Variants in SLC25A21 observed in about 807,000 individuals in gnomAD.
The protein encoded by SLC25A21 is solute carrier family 25 member 21, also known as mitochondrial 2-oxodicarboxylate carrier.
SLC25A21 carries 47 observed loss-of-function variants against 43.8 expected under a neutral mutation model. That is an observed-to-expected ratio of 1.07 (90% CI 0.85 to 1.37). The LOEUF (loss-of-function observed/expected upper bound fraction) is 1.37, where lower values mean the gene tolerates loss of function less well. SLC25A21 is among the 40% of genes most tolerant of loss of function. The pLI is 0.00. For missense variants in SLC25A21, 352 were observed against 350.2 expected, an observed-to-expected ratio of 1.00 and a Z score of -0.04; for synonymous variants, 131 against 121.3, an observed-to-expected ratio of 1.08 and a Z score of -0.52.
chr14:37,077,925 T>A (rs1962312272), intron 1 of SLC25A21, among the ~76,000 whole-genome samples: 1 of 152,114 alleles, frequency 6.6e-6, no homozygotes, highest in Non-Finnish European at 1.5e-5. Context: ...AGGACTTAAA[T>A]CTATAGACAT....
intron 1 of SLC25A21, among the ~76,000 whole-genome samples, chr14:37,078,509 T>C (rs977047686): frequency 6.6e-6 from 1 of 152,050 alleles, no homozygotes; most frequent in Non-Finnish European, 1.5e-5. Context: ...TGGACATGGA[T>C]TTGTCCACAT....
intron 3 of SLC25A21, among the ~76,000 whole-genome samples, chr14:36,738,357 C>T (rs1885126043): frequency 1.3e-5 from 2 of 152,120 alleles, no homozygotes; most frequent in African/African-American, 2.4e-5. Flanking sequence ...TATTCACATG[C>T]ACTGTCCATT....
chr14:37,038,318 T>A (rs1472269625), intron 1 of SLC25A21, among the ~76,000 whole-genome samples: 3 of 152,146 alleles, frequency 2.0e-5, no homozygotes, highest in Non-Finnish European at 4.4e-5. Context: ...TGAAGAATAA[T>A]AGGGTTGGCA....
At position 36,829,444 on chromosome 14, in the gene SLC25A21, A is replaced by C. The variant is rs141012294; in HGVS notation, c.120-15443T>G. Among the ~76,000 whole-genome samples the C allele has an allele frequency of 4.2e-3, 634 of 152,228 alleles. 7 individuals are homozygous for C. Among genetic ancestry groups the C allele is most frequent in the African/African-American group, 0.015 (611 of 41,544 alleles). On this transcript the variant is annotated intron_variant, in intron 2 of 9. Transcript: ENST00000331299. ...CCCATCAAGGAGACTTCTCAAAGAT[A>C]AAGAGTTTTCATCTTTGAAGTTTTG...
chr14:36,904,852 G>A (rs111765356), intron 1 of SLC25A21, among the ~76,000 whole-genome samples: 2,554 of 152,116 alleles, frequency 0.017, 78 homozygotes, highest in African/African-American at 0.057. Flanking sequence ...AAGATTATGG[G>A]GATTACAGTT....
At chr14:37,078,021 G>A (rs2415383) in intron 1 of SLC25A21, among the ~76,000 whole-genome samples, 12,599 of 151,984 alleles carry the variant, frequency 0.083, 786 homozygotes, top group South Asian at 0.25. Context: ...TAAAATTTGA[G>A]ATTTAAGTTA....
chr14:37,048,015 G>A (rs1961624798), intron 1 of SLC25A21, among the ~76,000 whole-genome samples: 1 of 152,200 alleles, frequency 6.6e-6, no homozygotes, highest in African/African-American at 2.4e-5. Flanking sequence ...ACCCATCACA[G>A]CTATCCAAAG....
At chr14:37,156,076 T>C (rs1963843386) in intron 1 of SLC25A21, among the ~76,000 whole-genome samples, 1 of 151,498 alleles carries the variant, frequency 6.6e-6, no homozygotes, top group Non-Finnish European at 1.5e-5. Context: ...GGAGAATCAC[T>C]TGAACCCAGG....
At chr14:37,017,960 C>T (rs1381795671) in intron 1 of SLC25A21, among the ~76,000 whole-genome samples, 1 of 151,796 alleles carries the variant, frequency 6.6e-6, no homozygotes, top group African/African-American at 2.4e-5. Context: ...TTTCATCCAG[C>T]AATTCTACTT....
In SLC25A21 at chr14:36,837,250, G is replaced by A. The variant is rs558397315; in HGVS notation, c.120-23249C>T. 2.6e-5 allele frequency among the ~76,000 whole-genome samples: 4 copies of A among 152,160 alleles called. 1 individual carries two copies. The South Asian group carries it at 6.2e-4, about 24-fold the overall frequency. On this transcript the variant is annotated intron_variant, in intron 2 of 9. Coordinates refer to ENST00000331299, the MANE Select transcript of SLC25A21 (RefSeq NM_030631.4). ...GGAGACTGGAGAACACTGAGCTGGGGCTAAATGTTACTGAAAGGGCCAAGG... is the reference window on the plus strand; with the variant it reads ...GGAGACTGGAGAACACTGAGCTGGGACTAAATGTTACTGAAAGGGCCAAGG...
In SLC25A21 at chr14:37,106,172, A is replaced by G. The variant is rs12879788; in HGVS notation, c.70+66109T>C. ...TATGAAATCAGTGCACCTTGAAAAA[A>G]AACAGAATAACAGCAATTTTTAGGG... On this transcript the variant is annotated intron_variant, in intron 1 of 9. Transcript: ENST00000331299. Among the ~76,000 whole-genome samples the G allele has an allele frequency of 3.1e-3, 477 of 152,232 alleles. 2 individuals are homozygous for G. Among genetic ancestry groups the G allele is most frequent in the South Asian group, 7.3e-3 (35 of 4,822 alleles).
At chr14:37,096,730 C>G (rs1962701405) in intron 1 of SLC25A21, among the ~76,000 whole-genome samples, 1 of 151,908 alleles carries the variant, frequency 6.6e-6, no homozygotes, top group Admixed American at 6.6e-5. Context: ...TTATATCAAT[C>G]TCTGTTAAAT....
intron 2 of SLC25A21, among the ~76,000 whole-genome samples, chr14:36,850,415 T>C (rs1303269302): frequency 6.6e-6 from 1 of 152,148 alleles, no homozygotes; most frequent in African/African-American, 2.4e-5. Flanking sequence ...CAGGCTCGTT[T>C]TGCTCCAAAG....
chr14:36,734,433 G>T, intron 4 of SLC25A21, 74 bp downstream of exon 4: 1 of 1,023,164 alleles, frequency 9.8e-7, no homozygotes, highest in Non-Finnish European at 1.4e-6. Context: ...TCATTTTAAT[G>T]TCTTAAGAGT....
chr14:37,005,445 T>A (rs17105919), intron 1 of SLC25A21, among the ~76,000 whole-genome samples: 6 of 152,138 alleles, frequency 3.9e-5, no homozygotes, highest in Admixed American at 3.3e-4. Flanking sequence ...TTACACTTTA[T>A]TAAATTGCTA....
chr14:37,114,477 A>G (rs1963071900), intron 1 of SLC25A21, among the ~76,000 whole-genome samples: 1 of 152,222 alleles, frequency 6.6e-6, no homozygotes, highest in African/African-American at 2.4e-5. Flanking sequence ...CCACTTTACT[A>G]GACTCAATCA....
At chr14:36,967,475 C>A (rs1347632479) in intron 1 of SLC25A21, among the ~76,000 whole-genome samples, 1 of 152,106 alleles carries the variant, frequency 6.6e-6, no homozygotes, top group Non-Finnish European at 1.5e-5. Flanking sequence ...GTCATTTGAC[C>A]TGAAAATGCT....
At chr14:37,078,631 A>G (rs568230021) in intron 1 of SLC25A21, among the ~76,000 whole-genome samples, 2 of 152,224 alleles carry the variant, frequency 1.3e-5, no homozygotes, top group Non-Finnish European at 2.9e-5. Flanking sequence ...GTGAAATCAG[A>G]TGCAAGACAG....
intron 1 of SLC25A21, among the ~76,000 whole-genome samples, chr14:37,078,203 T>C (rs1347064255): frequency 6.6e-6 from 1 of 152,098 alleles, no homozygotes; most frequent in Non-Finnish European, 1.5e-5. Context: ...TTGTGGTTAA[T>C]ACACAAGAGG....
Sources: gnomAD v4.1 joint callset for allele counts (sites outside exome capture counted in the v4.1 genomes callset) on GRCh38, gnomAD v4.1.1 for gene constraint, MANE v1.5 for transcripts, NCBI Gene and HGNC (gene_info 2026-07-23, HGNC 2026-07-21) for gene names.